Variants in SDCCAG8 observed in about 807,000 individuals in gnomAD.
SDCCAG8 encodes serologically defined colon cancer antigen 8.
SDCCAG8 carries 74 observed loss-of-function variants against 101.8 expected under a neutral mutation model. That is an observed-to-expected ratio of 0.73 (90% CI 0.60 to 0.88). SDCCAG8 has a LOEUF of 0.88. SDCCAG8 is among the 40% of genes least tolerant of loss of function. The probability of loss-of-function intolerance (pLI) is 0.00; values close to 1 mark genes in which losing one functional copy is unlikely to be tolerated. For missense variants in SDCCAG8, 787 were observed against 822.6 expected (o/e 0.96, Z 0.53); for synonymous variants, 281 against 292.9 (o/e 0.96, Z 0.41).
At chr1:243,494,871 C>T (rs1667401794) in intron 17 of SDCCAG8, among the ~76,000 whole-genome samples, 1 of 151,688 alleles carries the variant, frequency 6.6e-6, no homozygotes. Context: ...ATAAGTGGTT[C>T]TTGCCTTTAA....
intron 5 of SDCCAG8, among the ~76,000 whole-genome samples, chr1:243,289,731 C>A (rs1168438274): frequency 6.6e-6 from 1 of 152,178 alleles, no homozygotes; most frequent in African/African-American, 2.4e-5. Flanking sequence ...ATCTAATTCT[C>A]TAAATACACC....
At chr1:243,439,416 G>A (rs1046199345) in intron 16 of SDCCAG8, among the ~76,000 whole-genome samples, 1 of 152,082 alleles carries the variant, frequency 6.6e-6, no homozygotes, top group African/African-American at 2.4e-5. Context: ...CTGAGGTCAG[G>A]AGTTCAAGAC....
At chr1:243,353,554 A>AT (rs906416738) in intron 12 of SDCCAG8, among the ~76,000 whole-genome samples, 1 of 149,164 alleles carries the variant, frequency 6.7e-6, no homozygotes, top group Non-Finnish European at 1.5e-5. Context: ...AGAAGAAGAA[A>AT]TTTATTTGGT....
rs550739622 is a variant in SDCCAG8, at chr1:243,350,528, C to G, written c.1473+6197C>G. On this transcript the variant is annotated intron_variant, in intron 12 of 17. Transcript: ENST00000366541. Reference sequence around the variant, plus strand: ...CCACTGCGCCCGGCCTATGTCAGTCCTTTTTAAAGTTAGAGAAATATAAAA... The same window carrying G: ...CCACTGCGCCCGGCCTATGTCAGTCGTTTTTAAAGTTAGAGAAATATAAAA... Among the ~76,000 whole-genome samples the G allele has an allele frequency of 1.3e-4, 20 of 152,136 alleles. 1 individual carries two copies. In the South Asian group the frequency reaches 3.5e-3, roughly 27 times the overall value.
chr1:243,316,636 T>C (rs531750336), intron 8 of SDCCAG8, 119 bp from the exon 9 acceptor site: 1 of 1,213,904 alleles, frequency 8.2e-7, no homozygotes, highest in South Asian at 1.3e-5. Context: ...TTATTTCATA[T>C]GTGCTCAGCC....
At chr1:243,362,690 C>T (rs1195591033) in intron 12 of SDCCAG8, among the ~76,000 whole-genome samples, 1 of 152,172 alleles carries the variant, frequency 6.6e-6, no homozygotes, top group Non-Finnish European at 1.5e-5. Context: ...ATCTGTGTCC[C>T]ATTTTATCAC....
intron 1 of SDCCAG8, chr1:243,267,639 C>T: frequency 2.8e-6 from 2 of 712,306 alleles, no homozygotes; most frequent in South Asian, 1.5e-5. Context: ...CAACTGTGGG[C>T]ACAATGTAAC....
intron 15 of SDCCAG8, among the ~76,000 whole-genome samples, chr1:243,421,621 A>G (rs2081013730): frequency 6.6e-6 from 1 of 152,140 alleles, no homozygotes. Flanking sequence ...TGTGAATGGC[A>G]CGTCCCATTT....
chr1:243,256,341 C>A, intron 1 of SDCCAG8, 101 bp downstream of exon 1: 2 of 910,258 alleles, frequency 2.2e-6, no homozygotes, highest in Non-Finnish European at 3.7e-6. Context: ...TCTGCCCCGT[C>A]CACGCTACAG....
intron 12 of SDCCAG8, among the ~76,000 whole-genome samples, chr1:243,361,912 A>C (rs563898728): frequency 6.6e-6 from 1 of 152,348 alleles, no homozygotes; most frequent in East Asian, 1.9e-4. Context: ...GAGGACAGAG[A>C]CTTTTACTTG....
At chr1:243,394,863 T>C (rs553530155) in intron 13 of SDCCAG8, among the ~76,000 whole-genome samples, 106 of 151,906 alleles carry the variant, frequency 7.0e-4, no homozygotes, top group African/African-American at 2.0e-3. Flanking sequence ...TTTTTTTTTT[T>C]CCCCTGTAAA....
At chr1:243,444,201 C>A (rs185830002) in intron 16 of SDCCAG8, among the ~76,000 whole-genome samples, 3 of 152,130 alleles carry the variant, frequency 2.0e-5, no homozygotes, top group Admixed American at 2.0e-4. Flanking sequence ...AAAGAAGCAG[C>A]AAAACAATAT....
At chr1:243,460,085 A>G (rs1658764776) in intron 16 of SDCCAG8, among the ~76,000 whole-genome samples, 1 of 152,066 alleles carries the variant, frequency 6.6e-6, no homozygotes, top group South Asian at 2.1e-4. Flanking sequence ...TTCTGTTACC[A>G]TGGCAATATT....
At chr1:243,485,359 G>T (rs1244270267) in intron 16 of SDCCAG8, among the ~76,000 whole-genome samples, 1 of 152,144 alleles carries the variant, frequency 6.6e-6, no homozygotes, top group Non-Finnish European at 1.5e-5. Flanking sequence ...GGTAATTGTG[G>T]CGCAGTGAGC....
chr1:243,438,665 A>G (rs1388941126), intron 16 of SDCCAG8, among the ~76,000 whole-genome samples: 1 of 151,886 alleles, frequency 6.6e-6, no homozygotes. Flanking sequence ...TCTTCTGAGC[A>G]CTCTGAGAGG....
At chr1:243,267,900 T>G (rs1378825901) in intron 1 of SDCCAG8, 55 of 1,105,938 alleles carry the variant, frequency 5.0e-5, no homozygotes, top group Non-Finnish European at 5.6e-6. Context: ...TTGATAAAGT[T>G]GGTATCAACG....
intron 17 of SDCCAG8, among the ~76,000 whole-genome samples, chr1:243,493,474 T>C (rs1667068364): frequency 6.6e-6 from 1 of 152,140 alleles, no homozygotes; most frequent in South Asian, 2.1e-4. Context: ...ATTTTCTGTG[T>C]CTGCTTTCTT....
intron 12 of SDCCAG8, among the ~76,000 whole-genome samples, chr1:243,378,029 G>A (rs61633943): frequency 0.015 from 2,308 of 151,224 alleles, 61 homozygotes; most frequent in African/African-American, 0.052. Context: ...ATTTCATCCC[G>A]AAACCAAAAA....
At chr1:243,306,077 C>T (rs1233374989) in intron 7 of SDCCAG8, 1 of 109,848 alleles carries the variant, frequency 9.1e-6, no homozygotes, top group Non-Finnish European at 1.8e-5. Flanking sequence ...CAGAGGGAGA[C>T]TCCATCTAAA....
Sources: allele counts gnomAD v4.1 joint callset (sites outside exome capture counted in the v4.1 genomes callset), GRCh38; gene constraint gnomAD v4.1.1; transcripts MANE v1.5; gene names NCBI Gene and HGNC (gene_info 2026-07-23, HGNC 2026-07-21).